Variants in OSGEPL1 observed in about 807,000 individuals in gnomAD.
OSGEPL1 encodes the protein O-sialoglycoprotein endopeptidase like 1, also known as tRNA N6-adenosine threonylcarbamoyltransferase, mitochondrial.
OSGEPL1 carries 26 observed loss-of-function variants against 37.2 expected under a neutral mutation model. The observed-to-expected ratio is 0.70, with a 90% CI of 0.51 to 0.97. The LOEUF (loss-of-function observed/expected upper bound fraction) is 0.97. Ranked by LOEUF, OSGEPL1 falls within the 50% of genes least tolerant of loss-of-function variation. The pLI, the probability that OSGEPL1 is intolerant of heterozygous loss-of-function variation, is 0.00. For missense variants in OSGEPL1, 404 were observed against 487.0 expected (o/e 0.83, Z 1.60); for synonymous variants, 140 against 159.9 (o/e 0.88, Z 0.94).
rs762605594 is a variant in OSGEPL1, at chr2:189,755,154, G to T, written c.609+19C>A. The T allele has an allele frequency of 2.5e-6, 4 of 1,590,114 alleles. No homozygotes were observed. Among genetic ancestry groups the T allele is most frequent in the East Asian group, 4.5e-5 (2 of 44,682 alleles). ...GGACAACATAACAAAAAAGAATGGA[G>T]AAATTAATTCTTAATTACCTTGTCA... On this transcript the variant is annotated intron_variant, in intron 3 of 8. Coordinates refer to ENST00000264151, the MANE Select transcript of OSGEPL1 (RefSeq NM_022353.3).
At chr2:189,752,754 T>A in intron 6 of OSGEPL1, 30 bp from the exon 7 acceptor site, 5 of 1,613,550 alleles carry the variant, frequency 3.1e-6, no homozygotes, top group Non-Finnish European at 4.2e-6. Flanking sequence ...ATAAAATCAA[T>A]AGCTCCAAGA....
At position 189,762,766 on chromosome 2, in the gene OSGEPL1, A is replaced by C; in HGVS notation, c.-102T>G. The C allele has an allele frequency of 1.0e-6, 1 of 985,510 alleles. No individual in the cohort carries two copies. Among genetic ancestry groups the C allele is most frequent in the East Asian group, 1.1e-4 (1 of 8,806 alleles). 61.0% of individuals were successfully genotyped at this position (985,510 alleles called of 1,614,324 possible). A position where few individuals can be genotyped will look rare whatever the true frequency, so the allele number is the denominator to read the frequency against. ...GACTGCCCTTATCGCTGCAGGAGAAAGCCCGAACCTGGCGCCCGGAAGTGA... is the reference window on the plus strand; with the variant it reads ...GACTGCCCTTATCGCTGCAGGAGAACGCCCGAACCTGGCGCCCGGAAGTGA... On this transcript the variant is annotated 5_prime_UTR_variant, in exon 1 of 9. Coordinates refer to ENST00000264151, the MANE Select transcript of OSGEPL1 (RefSeq NM_022353.3).
intron 3 of OSGEPL1, 28 bp from the exon 4 acceptor site, chr2:189,754,373 C>A (rs1318638217): frequency 1.3e-6 from 2 of 1,553,734 alleles, no homozygotes; most frequent in South Asian, 2.4e-5. Context: ...TTTTTAGAGT[C>A]ATAAAATTAA....
In OSGEPL1 at chr2:189,755,347, A is replaced by T; in HGVS notation, c.435T>A (p.Ile145=). Residue 145 remains isoleucine (I), a synonymous_variant, in exon 3 of 9, where the codon ATT becomes ATA. Coordinates refer to ENST00000264151, the MANE Select transcript of OSGEPL1 (RefSeq NM_022353.3). ...TAAGTGCATGAGCCTCCATATGATG[A>T]ATGGGAATGAATGGCTTTTTTAACT... ...VGQLKKPFIP[I]HHMEAHALTI... 1 of 1,613,500 alleles carries T rather than the reference A, an allele frequency of 6.2e-7. No homozygotes were observed. The highest frequency in any genetic ancestry group is 2.2e-5 in the East Asian group (1 of 44,870).
Position 189,752,707 on chromosome 2 carries a change from A to T in OSGEPL1, c.1112T>A (p.Leu371Gln), listed in dbSNP as rs952642821. 3.1e-6 allele frequency: 5 copies of T among 1,613,928 alleles called. No homozygotes were observed. Among genetic ancestry groups the T allele is most frequent in the Non-Finnish European group, 4.2e-6 (5 of 1,179,880 alleles). Residue 371 changes from leucine (L) to glutamine (Q), a missense_variant, in exon 7 of 9, where the codon CTA (leucine) becomes CAA (glutamine). Coordinates refer to ENST00000264151, the MANE Select transcript of OSGEPL1 (RefSeq NM_022353.3). Reference protein sequence around the residue: ...IMIAWNGIERLRAGLGILHDI... With the variant: ...IMIAWNGIERQRAGLGILHDI... ...ATGTAAAATGCCCAAGCCAGCACGT[A>T]GTCTTTCAATACCATTCCTAAATAA...
intron 3 of OSGEPL1, 59 bp downstream of exon 3, chr2:189,755,114 C>A (rs2045907743): frequency 1.3e-6 from 2 of 1,557,118 alleles, no homozygotes; most frequent in East Asian, 2.3e-5. Flanking sequence ...ACATCTATTG[C>A]TACTTAGTTG....
In OSGEPL1 at chr2:189,752,980, C is replaced by T; in HGVS notation, c.964-1G>A. On this transcript the variant is annotated splice_acceptor_variant, in intron 5 of 8. Coordinates refer to ENST00000264151, the MANE Select transcript of OSGEPL1 (RefSeq NM_022353.3). LOFTEE classifies it high-confidence loss of function. ...TACTTGCGACACCACCAGATGCAAC[C>T]TGAAGGAATTGAGAAAACCAAAATA... The T allele has an allele frequency of 1.2e-6, 2 of 1,604,422 alleles. No homozygotes were observed. Among genetic ancestry groups the T allele is most frequent in the Middle Eastern group, 1.7e-4 (1 of 6,014 alleles).
chr2:189,759,241 A>G (rs1300094065), intron 2 of OSGEPL1, among the ~76,000 whole-genome samples: 1 of 150,942 alleles, frequency 6.6e-6, no homozygotes, highest in Non-Finnish European at 1.5e-5. Context: ...TATGAGGCAG[A>G]TGTTAATTTT....
intron 2 of OSGEPL1, among the ~76,000 whole-genome samples, chr2:189,759,763 A>AT (rs561866797): frequency 0.015 from 2,077 of 141,266 alleles, 25 homozygotes; most frequent in Non-Finnish European, 0.023. Flanking sequence ...TTATTTATTT[A>AT]TTTTTTTAGT....
intron 8 of OSGEPL1, among the ~76,000 whole-genome samples, chr2:189,748,970 G>A (rs2044618592): frequency 6.6e-6 from 1 of 151,972 alleles, no homozygotes; most frequent in South Asian, 2.1e-4. Context: ...TTATTGGCTG[G>A]GCATGATGGC....
At chr2:189,750,084 G>A (rs1474326171) in intron 8 of OSGEPL1, among the ~76,000 whole-genome samples, 2 of 152,060 alleles carry the variant, frequency 1.3e-5, no homozygotes, top group East Asian at 3.9e-4. Flanking sequence ...CTGAGATCAC[G>A]CCACTGCAAT....
At chr2:189,762,511 G>A (rs752246394) in intron 1 of OSGEPL1, 174 bp downstream of exon 1, 15 of 832,574 alleles carry the variant, frequency 1.8e-5, no homozygotes, top group African/African-American at 3.7e-5. Context: ...TCTGGACAAG[G>A]AGGATTGTAC....
At chr2:189,754,413 A>G (rs1449750679) in intron 3 of OSGEPL1, 68 bp from the exon 4 acceptor site, 1 of 1,398,542 alleles carries the variant, frequency 7.2e-7, no homozygotes, top group African/African-American at 1.5e-5. Context: ...TGCAAAGGAA[A>G]TAAATTGAAA....
intron 5 of OSGEPL1, 105 bp from the exon 6 acceptor site, chr2:189,753,084 C>A (rs556085802): frequency 1.8e-6 from 2 of 1,103,616 alleles, no homozygotes; most frequent in African/African-American, 3.2e-5. Flanking sequence ...ATAAACTATC[C>A]CATTTTGAGA....
rs747766309 is a variant in OSGEPL1, at chr2:189,754,350, CAAAG to C, written c.610-9_610-6del. 6.3e-7 allele frequency: 1 copy of C among 1,587,932 alleles called. No homozygotes were observed. ...TAAAGAAAGTCTTCTTGCCACCTAT[CAAAG>C]AAACATATTTTTTAGAGTCATAAAA... On this transcript the variant is annotated splice_polypyrimidine_tract_variant and splice_region_variant and intron_variant, in intron 3 of 8. Transcript: ENST00000264151.
intron 2 of OSGEPL1, among the ~76,000 whole-genome samples, chr2:189,758,765 T>TA (rs2046481654): frequency 1.3e-5 from 2 of 152,232 alleles, no homozygotes; most frequent in Non-Finnish European, 1.5e-5. Context: ...CCTTGGCACT[T>TA]AGACTCTACT....
chr2:189,761,121 C>T (rs2047000652), intron 2 of OSGEPL1: 1 of 221,366 alleles, frequency 4.5e-6, no homozygotes, highest in Non-Finnish European at 8.7e-6. Flanking sequence ...TCAGCTGAGA[C>T]CATGAAACAT....
At position 189,755,477 on chromosome 2, in the gene OSGEPL1, C is replaced by T. The variant is rs1466948567; in HGVS notation, c.305G>A (p.Ser102Asn). The stretch of plus-strand genomic sequence containing the variant: ...TGAGAGGTCACTTGGAGAGACTCCA[C>T]TGGCAGAAAGAGCTTCTTGTACTAT... ...QRIVQEALSA[S>N]GVSPSDLSAI... The change falls in exon 3 of 9, where the codon AGT becomes AAT. Residue 102 changes from serine (S) to asparagine (N), a missense_variant. Coordinates refer to ENST00000264151, the MANE Select transcript of OSGEPL1 (RefSeq NM_022353.3). 5 of 1,601,854 alleles carry T rather than the reference C, an allele frequency of 3.1e-6. No individual in the cohort carries two copies. In the South Asian group the frequency reaches 5.7e-5, roughly 18 times the overall value.
At chr2:189,760,607 A>G (rs964875145) in intron 2 of OSGEPL1, among the ~76,000 whole-genome samples, 1 of 152,132 alleles carries the variant, frequency 6.6e-6, no homozygotes, top group Non-Finnish European at 1.5e-5. Flanking sequence ...CCTGGCCAAC[A>G]TGGTGAAACC....
Sources: gnomAD v4.1 joint callset for allele counts (sites outside exome capture counted in the v4.1 genomes callset) on GRCh38, gnomAD v4.1.1 for gene constraint, MANE v1.5 for transcripts, NCBI Gene and HGNC (gene_info 2026-07-23, HGNC 2026-07-21) for gene names.